The following ITPR1 variants were observed in gnomAD, a reference collection of about 807,000 sequenced individuals.
The protein encoded by ITPR1 is inositol 1,4,5-trisphosphate receptor type 1.
ITPR1 carries 96 observed loss-of-function variants against 318.4 expected under a neutral mutation model. The observed-to-expected ratio is 0.30, with a 90% CI of 0.26 to 0.36. The LOEUF (loss-of-function observed/expected upper bound fraction) is 0.36. Among genes scored for constraint, ITPR1 ranks in the 10% least tolerant of loss-of-function variants. The pLI, the probability that ITPR1 is intolerant of heterozygous loss-of-function variation, is 1.00. For missense variants in ITPR1, 2,440 were observed against 3,460.2 expected (o/e 0.71, Z 7.40); for synonymous variants, 1,312 against 1,289.9 (o/e 1.02, Z -0.37).
chr3:4,662,846 G>C (rs1446104874), intron 15 of ITPR1, among the ~76,000 whole-genome samples: 4 of 152,156 alleles, frequency 2.6e-5, no homozygotes, highest in Non-Finnish European at 2.9e-5. Context: ...TTTTGTGTCT[G>C]ATATTTCATA....
chr3:4,823,670 T>C (rs9883291), intron 60 of ITPR1, among the ~76,000 whole-genome samples: 101,618 of 151,974 alleles, frequency 0.67, 34,374 homozygotes, highest in African/African-American at 0.77. Flanking sequence ...AAGAGTGAGT[T>C]AGGGGAAAAA....
chr3:4,645,853 T>A, intron 10 of ITPR1, 125 bp downstream of exon 10: 1 of 755,152 alleles, frequency 1.3e-6, no homozygotes, highest in Non-Finnish European at 2.2e-6. Context: ...TACACCCACA[T>A]ACACACACCT....
chr3:4,837,899 T>C (rs994265628), intron 61 of ITPR1, among the ~76,000 whole-genome samples: 3 of 152,172 alleles, frequency 2.0e-5, no homozygotes, highest in Non-Finnish European at 2.9e-5. Context: ...GAAAGCTCTT[T>C]AATCAACTCC....
intron 4 of ITPR1, among the ~76,000 whole-genome samples, chr3:4,595,580 T>A (rs565819916): frequency 6.6e-6 from 1 of 152,312 alleles, no homozygotes; most frequent in Admixed American, 6.5e-5. Flanking sequence ...AGACCTGGTA[T>A]ATATTATAGT....
At chr3:4,564,817 G>A (rs528677820) in intron 4 of ITPR1, among the ~76,000 whole-genome samples, 6 of 152,102 alleles carry the variant, frequency 3.9e-5, no homozygotes, top group Admixed American at 2.6e-4. Context: ...CTTTCTGAGC[G>A]ACTGAGGGTT....
At chr3:4,648,175 A>G (rs549613827) in intron 10 of ITPR1, among the ~76,000 whole-genome samples, 326 of 152,104 alleles carry the variant, frequency 2.1e-3, no homozygotes, top group Non-Finnish European at 3.6e-3. Flanking sequence ...GATCAAGTTC[A>G]TCTTGGGCAT....
At chr3:4,685,985 C>G (rs2094387295) in intron 30 of ITPR1, among the ~76,000 whole-genome samples, 1 of 152,178 alleles carries the variant, frequency 6.6e-6, no homozygotes. Flanking sequence ...CTAGAGAAGA[C>G]TCACCTGATG....
Position 4,705,530 on chromosome 3 carries a change from C to G in ITPR1, c.4658-637C>G, listed in dbSNP as rs911338104. Among the ~76,000 whole-genome samples the G allele has an allele frequency of 4.6e-5, 7 of 152,346 alleles. No homozygotes were observed. The East Asian group carries it at 1.3e-3, about 29-fold the overall frequency. The stretch of plus-strand genomic sequence containing the variant: ...TCATGTCTCTCCAGTCTCTTCTGGT[C>G]TGTGACCATTTCTCAGCCTTTCCTT... On this transcript the variant is annotated intron_variant, in intron 36 of 61. Transcript: ENST00000649015.
intron 4 of ITPR1, among the ~76,000 whole-genome samples, chr3:4,625,509 A>C (rs2092793614): frequency 6.6e-6 from 1 of 152,150 alleles, no homozygotes; most frequent in Non-Finnish European, 1.5e-5. Context: ...ACCTACTTTC[A>C]GGGTGTCATT....
chr3:4,829,654 T>C (rs1180202344), intron 60 of ITPR1, among the ~76,000 whole-genome samples: 1 of 152,144 alleles, frequency 6.6e-6, no homozygotes, highest in Non-Finnish European at 1.5e-5. Context: ...TTTTGTATTA[T>C]TGTGGCCTGT....
At position 4,642,887 on chromosome 3, in the gene ITPR1, A is replaced by G. The variant is rs78574409; in HGVS notation, c.525+636A>G. Among the ~76,000 whole-genome samples, 253 of 152,332 alleles carry G rather than the reference A, an allele frequency of 1.7e-3. 6 individuals are homozygous for G. The East Asian group carries it at 0.036, about 22-fold the overall frequency. On this transcript the variant is annotated intron_variant, in intron 7 of 61. Coordinates refer to ENST00000649015, the MANE Select transcript of ITPR1 (RefSeq NM_001378452.1). ...TTCACAGTGACTGTGGTTAAATTCT[A>G]TCAGCTGTATTTTTGACCTTGTTAA...
At chr3:4,514,485 A>G (rs534857678) in intron 2 of ITPR1, among the ~76,000 whole-genome samples, 6 of 152,254 alleles carry the variant, frequency 3.9e-5, no homozygotes, top group African/African-American at 1.4e-4. Context: ...GGAATCTTTC[A>G]GTAAGGTATC....
At chr3:4,650,606 AGT>A (rs1177734281) in intron 10 of ITPR1, among the ~76,000 whole-genome samples, 72 of 137,396 alleles carry the variant, frequency 5.2e-4, no homozygotes, top group African/African-American at 2.2e-3. Flanking sequence ...GATATGCCTT[AGT>A]GTGTGTGTGT....
chr3:4,630,315 G>C (rs1240123883), intron 5 of ITPR1, among the ~76,000 whole-genome samples: 1 of 151,894 alleles, frequency 6.6e-6, no homozygotes, highest in Non-Finnish European at 1.5e-5. Context: ...AGGGCTTCAA[G>C]CATAATCACA....
intron 4 of ITPR1, among the ~76,000 whole-genome samples, chr3:4,538,622 A>T (rs1046424289): frequency 6.6e-6 from 1 of 152,224 alleles, no homozygotes; most frequent in East Asian, 1.9e-4. Context: ...CACTATTCAC[A>T]ATAGCAAAGG....
chr3:4,703,042 T>C (rs2094688504), intron 36 of ITPR1, 92 bp downstream of exon 36: 1 of 1,390,254 alleles, frequency 7.2e-7, no homozygotes, highest in African/African-American at 1.4e-5. Context: ...ATTACAACTC[T>C]TCTAAAGTTA....
chr3:4,553,604 T>C (rs1336985644), intron 4 of ITPR1, among the ~76,000 whole-genome samples: 1 of 148,800 alleles, frequency 6.7e-6, no homozygotes, highest in Non-Finnish European at 1.5e-5. Flanking sequence ...ATAATTTCTT[T>C]TTTTTTTTTT....
chr3:4,540,842 C>T (rs921567326), intron 4 of ITPR1, among the ~76,000 whole-genome samples: 1 of 152,180 alleles, frequency 6.6e-6, no homozygotes, highest in Non-Finnish European at 1.5e-5. Flanking sequence ...TCCCAAAGTA[C>T]TGGGATTACA....
intron 52 of ITPR1, among the ~76,000 whole-genome samples, chr3:4,793,689 A>G (rs2047714443): frequency 6.6e-6 from 1 of 152,116 alleles, no homozygotes; most frequent in African/African-American, 2.4e-5. Flanking sequence ...ATTTATTTTT[A>G]TCCCTGCCGC....
Sources: allele counts gnomAD v4.1 joint callset (sites outside exome capture counted in the v4.1 genomes callset), GRCh38; gene constraint gnomAD v4.1.1; transcripts MANE v1.5; gene names NCBI Gene and HGNC (gene_info 2026-07-23, HGNC 2026-07-21).